Variants in DNAH7 observed in about 807,000 individuals in gnomAD.
DNAH7 encodes the protein axonemal beta dynein heavy chain 7.
In DNAH7, 397 loss-of-function variants were observed where a neutral mutation model predicts 444.6. That is an observed-to-expected ratio of 0.89 (90% confidence interval 0.82 to 0.97). The LOEUF (loss-of-function observed/expected upper bound fraction) is 0.97. Ranked by LOEUF, DNAH7 falls within the 50% of genes least tolerant of loss-of-function variation. The pLI, the probability that DNAH7 is intolerant of heterozygous loss-of-function variation, is 0.00. For missense variants in DNAH7, 4,902 were observed against 4,800.8 expected, an observed-to-expected ratio of 1.02 and a Z score of -0.62; for synonymous variants, 1,636 against 1,624.4, an observed-to-expected ratio of 1.01 and a Z score of -0.17.
intron 63 of DNAH7, among the ~76,000 whole-genome samples, chr2:195,751,927 G>A (rs992644241): frequency 1.3e-5 from 2 of 152,144 alleles, no homozygotes; most frequent in Non-Finnish European, 2.9e-5. Context: ...CAATAAGTGG[G>A]TAATGACAGT....
At chr2:195,913,462 G>A (rs551116982) in intron 24 of DNAH7, among the ~76,000 whole-genome samples, 8 of 152,188 alleles carry the variant, frequency 5.3e-5, no homozygotes, top group African/African-American at 1.9e-4. Context: ...CTTAATAAAA[G>A]ATAGGACATG....
chr2:195,956,424 G>T (rs979676924), intron 19 of DNAH7, among the ~76,000 whole-genome samples: 28 of 152,178 alleles, frequency 1.8e-4, no homozygotes, highest in Admixed American at 1.6e-3. Context: ...GCCGAGGCGG[G>T]TGGATCACTT....
rs1167391254 is a variant in DNAH7 at position 196,001,827 on chromosome 2, G to C, written c.1021C>G (p.Gln341Glu). 2 of 1,608,558 alleles carry C rather than the reference G, an allele frequency of 1.2e-6. No individual in the cohort carries two copies. The highest frequency in any genetic ancestry group is 2.7e-5 in the African/African-American group (2 of 74,450). ...GGCAATTGCTTTTTTTTATTACCTT[G>C]GTAATAAATATTCTGCACTTCTGGA... Reference protein sequence around the residue: ...WFPEVQNIYYQGNKKKQLPTG... With the variant: ...WFPEVQNIYYEGNKKKQLPTG... Residue 341 changes from glutamine to glutamate, a missense_variant, in exon 11 of 65, where the codon CAA (glutamine) becomes GAA (glutamate). By Grantham distance (29) the Gln-to-Glu change is conservative (BLOSUM62 2). Coordinates refer to ENST00000312428, the MANE Select transcript of DNAH7 (RefSeq NM_018897.3).
intron 61 of DNAH7, among the ~76,000 whole-genome samples, chr2:195,769,679 T>C (rs1172313651): frequency 6.6e-6 from 1 of 152,152 alleles, no homozygotes. Flanking sequence ...TAAGTCACTA[T>C]TAAATGTTCC....
intron 46 of DNAH7, among the ~76,000 whole-genome samples, chr2:195,852,945 G>C (rs1051483035): frequency 3.4e-5 from 5 of 147,800 alleles, no homozygotes; most frequent in African/African-American, 1.0e-4. Context: ...GAGAGAGAGA[G>C]AGACAGAGTT....
chr2:195,957,661 A>G (rs551570921), intron 18 of DNAH7, among the ~76,000 whole-genome samples: 369 of 151,360 alleles, frequency 2.4e-3, no homozygotes, highest in African/African-American at 8.5e-3. Flanking sequence ...ATTATATACA[A>G]TCTTGTATAT....
chr2:196,017,022 T>C (rs1695064607), intron 9 of DNAH7, among the ~76,000 whole-genome samples: 1 of 152,198 alleles, frequency 6.6e-6, no homozygotes, highest in Non-Finnish European at 1.5e-5. Context: ...TTAATTTTAT[T>C]TTGAGCTGGA....
intron 54 of DNAH7, among the ~76,000 whole-genome samples, chr2:195,800,373 G>A (rs892988115): frequency 6.6e-6 from 1 of 152,160 alleles, no homozygotes. Flanking sequence ...AAGTGGATGT[G>A]TGATAAAAGG....
intron 25 of DNAH7, among the ~76,000 whole-genome samples, chr2:195,907,264 T>A (rs1039765514): frequency 2.0e-5 from 3 of 152,078 alleles, no homozygotes; most frequent in Non-Finnish European, 2.9e-5. Context: ...CATTTAGACA[T>A]ACACCTATAA....
chr2:195,855,593 A>G (rs762581387), intron 45 of DNAH7, among the ~76,000 whole-genome samples: 3 of 152,128 alleles, frequency 2.0e-5, no homozygotes, highest in Admixed American at 1.3e-4. Flanking sequence ...ATGGGTATTT[A>G]TATGGCCATT....
chr2:195,996,723 T>C (rs1454253887), intron 12 of DNAH7, among the ~76,000 whole-genome samples: 3 of 151,994 alleles, frequency 2.0e-5, no homozygotes, highest in African/African-American at 7.2e-5. Flanking sequence ...ACCATGCCCG[T>C]CCCCAACTTA....
chr2:196,025,126 G>A (rs1021973636), intron 7 of DNAH7, among the ~76,000 whole-genome samples: 1 of 152,154 alleles, frequency 6.6e-6, no homozygotes, highest in Non-Finnish European at 1.5e-5. Flanking sequence ...TTATATCAGA[G>A]ACTTAAGCAT....
chr2:195,796,622 C>T lies in DNAH7; in HGVS notation c.10469G>A (p.Cys3490Tyr), dbSNP rs1303159672. 1 of 1,614,028 alleles carries T rather than the reference C, an allele frequency of 6.2e-7. No homozygotes were observed. Among genetic ancestry groups the T allele is most frequent in the East Asian group, 2.2e-5 (1 of 44,880 alleles). The change falls in exon 56 of 65, where the codon TGT (cysteine) becomes TAT (tyrosine). Residue 3490 changes from cysteine (C) to tyrosine (Y), a missense_variant. By Grantham distance (194) the Cys-to-Tyr change is radical. Coordinates refer to ENST00000312428, the MANE Select transcript of DNAH7 (RefSeq NM_018897.3). ...KEGTWVVLQN[C>Y]HLATSWMPTL... ...TGGCATCCAAGAGGTGGCAAGGTGA[C>T]AATTCTGAAGAACAACCCATGTTCC... is the stretch of plus-strand genomic sequence containing the variant.
At chr2:195,986,440 T>C (rs906797223) in intron 14 of DNAH7, among the ~76,000 whole-genome samples, 1 of 152,168 alleles carries the variant, frequency 6.6e-6, no homozygotes, top group African/African-American at 2.4e-5. Context: ...ATATCCTGAT[T>C]ATTTAGAGTT....
In DNAH7 at chr2:196,057,328, A is replaced by G. The variant is rs79258939; in HGVS notation, c.78+726T>C. ...AAGAGATTATTCAACTCAGCCACTGAATATTTATTCAGCAAGTAAATTTAA... is the reference window on the plus strand; with the variant it reads ...AAGAGATTATTCAACTCAGCCACTGGATATTTATTCAGCAAGTAAATTTAA... On this transcript the variant is annotated intron_variant, in intron 2 of 64. Transcript: ENST00000312428. Among the ~76,000 whole-genome samples the G allele has an allele frequency of 1.4e-4, 21 of 152,318 alleles. No homozygotes were observed. The East Asian group carries it at 3.9e-3, about 28-fold the overall frequency.
chr2:195,866,469 C>T (rs1258624531), intron 40 of DNAH7, among the ~76,000 whole-genome samples: 1 of 152,120 alleles, frequency 6.6e-6, no homozygotes, highest in Non-Finnish European at 1.5e-5. Context: ...ATGCCAATGG[C>T]CAATCTTTGA....
chr2:195,792,279 G>T (rs1248121093), intron 57 of DNAH7, among the ~76,000 whole-genome samples: 1 of 151,220 alleles, frequency 6.6e-6, no homozygotes, highest in Non-Finnish European at 1.5e-5. Flanking sequence ...CTACCTGGGT[G>T]ACAGGATCAT....
chr2:196,029,152 T>C (rs971182033), intron 5 of DNAH7, among the ~76,000 whole-genome samples: 20 of 152,284 alleles, frequency 1.3e-4, no homozygotes, highest in African/African-American at 4.6e-4. Context: ...CTCATTACAT[T>C]GTTGACTACA....
intron 15 of DNAH7, among the ~76,000 whole-genome samples, chr2:195,980,061 CAAAAAAA>C (rs59664135): frequency 3.2e-4 from 24 of 75,052 alleles, no homozygotes; most frequent in African/African-American, 1.0e-3. Context: ...CAAACTAATA[CAAAAAAA>C]AAAAAAAAAA....
Sources: allele counts gnomAD v4.1 joint callset (sites outside exome capture counted in the v4.1 genomes callset), GRCh38; gene constraint gnomAD v4.1.1; transcripts MANE v1.5; gene names NCBI Gene and HGNC (gene_info 2026-07-23, HGNC 2026-07-21).